NRP2: variants seen among roughly 807,000 people sequenced by gnomAD.
The protein encoded by NRP2 is neuropilin-2.
NRP2 carries 52 observed loss-of-function variants against 110.4 expected under a neutral mutation model. The ratio of observed to expected loss-of-function variants is 0.47; its 90% CI spans 0.38 to 0.59. The LOEUF is 0.59. Ranked by LOEUF, NRP2 falls within the 20% of genes least tolerant of loss-of-function variation. The pLI, the probability that NRP2 is intolerant of heterozygous loss-of-function variation, is 0.00. For missense variants in NRP2, 1,049 were observed against 1,203.0 expected (o/e 0.87, Z 1.89); for synonymous variants, 508 against 468.9 (o/e 1.08, Z -1.08).
intron 1 of NRP2, among the ~76,000 whole-genome samples, chr2:205,691,853 A>G (rs1191019243): frequency 6.6e-6 from 1 of 152,226 alleles, no homozygotes; most frequent in East Asian, 1.9e-4. Context: ...ATGACAAATA[A>G]TAAGGTTAAC....
At chr2:205,730,076 T>G (rs1414828463) in intron 7 of NRP2, among the ~76,000 whole-genome samples, 1 of 152,168 alleles carries the variant, frequency 6.6e-6, no homozygotes, top group Non-Finnish European at 1.5e-5. Context: ...GGCAGGAAAA[T>G]GGAGAGCCTG....
Position 205,682,666 on chromosome 2 carries a change from A to C in NRP2, c.-625A>C, listed in dbSNP as rs1447501548. 6.0e-6 allele frequency: 1 copy of C among 166,956 alleles called. No individual in the cohort carries two copies. The highest frequency in any genetic ancestry group is 2.4e-5 in the African/African-American group (1 of 41,654). The allele number at this position is 166,956 out of a possible 1,614,324, so 10.3% of individuals were successfully genotyped here. A position where few individuals can be genotyped will look rare whatever the true frequency, so the allele number is the denominator to read the frequency against. ...CACCGCCGCCGCACCAGCAGCAGCA[A>C]CAGCAGCAGCAGCTTCCTTCCTCAG... is the stretch of plus-strand genomic sequence containing the variant. On this transcript the variant is annotated 5_prime_UTR_variant, in exon 1 of 17. Coordinates refer to ENST00000357785, the MANE Select transcript of NRP2 (RefSeq NM_003872.3). This position sits in a 1 kb window ranked among gnomAD's most constrained non-coding sequence, Gnocchi z 4.3.
chr2:205,778,787 G>T (rs2058138924), intron 15 of NRP2: 1 of 152,112 alleles, frequency 6.6e-6, no homozygotes, highest in Admixed American at 6.5e-5. Context: ...GCCCCAAGTG[G>T]CATCATCTTT....
chr2:205,789,346 A>G (rs536697814), intron 15 of NRP2, among the ~76,000 whole-genome samples: 4 of 152,174 alleles, frequency 2.6e-5, no homozygotes, highest in African/African-American at 9.6e-5. Context: ...TGAAAGCGGA[A>G]CTCGTGTGGG....
chr2:205,715,488 A>G (rs544619475), intron 2 of NRP2, among the ~76,000 whole-genome samples: 63 of 152,290 alleles, frequency 4.1e-4, no homozygotes, highest in Non-Finnish European at 8.4e-4. Context: ...CTTATCTAAC[A>G]TGAGGCTGAT....
chr2:205,690,579 TACACACAC>T (rs10591632), intron 1 of NRP2, among the ~76,000 whole-genome samples: 8,217 of 124,156 alleles, frequency 0.066, 292 homozygotes, highest in South Asian at 0.13. Flanking sequence ...CTGCTAAAAA[TACACACAC>T]ACACACACAC....
chr2:205,767,124 G>A, intron 15 of NRP2: 2 of 427,760 alleles, frequency 4.7e-6, no homozygotes, highest in Non-Finnish European at 4.2e-6. Context: ...TGAGAAAGGA[G>A]AGACTGTGGG....
At position 205,743,316 on chromosome 2, in the gene NRP2, A is replaced by G; in HGVS notation, c.1405A>G (p.Ser469Gly). The change falls in exon 9 of 17, where the codon AGC becomes GGC. Residue 469 changes from serine (S) to glycine (G), a missense_variant. Physicochemically the swap from Ser to Gly is moderately conservative, Grantham distance 56 (BLOSUM62 0). Transcript: ENST00000357785. ...GAGCCCCAGTGCAGCCCGCCTGGTT[A>G]GCAGCCGCTCGGGCTGGTTCCCTCG... ...LWSPSAARLVSSRSGWFPRIP... is the reference protein window; with the variant it reads ...LWSPSAARLVGSRSGWFPRIP... 1 of 1,614,102 alleles carries G rather than the reference A, an allele frequency of 6.2e-7. No homozygotes were observed. Among genetic ancestry groups the G allele is most frequent in the Non-Finnish European group, 8.5e-7 (1 of 1,179,960 alleles).
At chr2:205,689,367 C>T (rs2056254113) in intron 1 of NRP2, among the ~76,000 whole-genome samples, 1 of 152,194 alleles carries the variant, frequency 6.6e-6, no homozygotes, top group African/African-American at 2.4e-5. Context: ...ATACCTACTT[C>T]ATAGGGTTGT....
intron 6 of NRP2, among the ~76,000 whole-genome samples, chr2:205,727,043 T>G (rs555697530): frequency 1.1e-4 from 16 of 152,234 alleles, no homozygotes; most frequent in Non-Finnish European, 2.2e-4. Flanking sequence ...TCTTTGACCT[T>G]AATCATATAC....
chr2:205,700,915 T>G (rs2056540254), intron 2 of NRP2: 3 of 339,500 alleles, frequency 8.8e-6, no homozygotes, highest in Non-Finnish European at 1.8e-5. Context: ...GCTGGACTCC[T>G]GCAGCCAAAG....
intron 1 of NRP2, among the ~76,000 whole-genome samples, chr2:205,696,227 T>A (rs2056422914): frequency 2.6e-5 from 4 of 152,154 alleles, no homozygotes; most frequent in Admixed American, 1.3e-4. Flanking sequence ...TGGGAGATAG[T>A]AATGCCAACA....
chr2:205,740,616 A>T lies in NRP2; in HGVS notation c.1244A>T (p.His415Leu), dbSNP rs888077609. The T allele has an allele frequency of 3.1e-6, 5 of 1,614,076 alleles. No individual in the cohort carries two copies. The highest frequency in any genetic ancestry group is 3.4e-6 in the Non-Finnish European group (4 of 1,180,032). The change falls in exon 8 of 17, where the codon CAC (histidine) becomes CTC (leucine). Residue 415 changes from histidine to leucine, a missense_variant. By Grantham distance (99) the His-to-Leu change is moderately conservative (BLOSUM62 -3). Transcript: ENST00000357785. ...RFVRIRPQTW[H>L]SGIALRLELF... is the part of the protein sequence containing the mutation. ...GTTAGAATCCGCCCTCAGACCTGGC[A>T]CTCAGGTATCGCCCTCCGGCTGGAG... is the stretch of plus-strand genomic sequence containing the variant.
intron 12 of NRP2, among the ~76,000 whole-genome samples, chr2:205,756,207 A>G (rs2057732302): frequency 6.6e-6 from 1 of 152,104 alleles, no homozygotes; most frequent in South Asian, 2.1e-4. Flanking sequence ...TGTTCACACC[A>G]GCCTCTGGGG....
At chr2:205,784,001 G>GACACACACAC (rs56303275) in intron 15 of NRP2, among the ~76,000 whole-genome samples, 2,479 of 148,748 alleles carry the variant, frequency 0.017, 41 homozygotes, top group Middle Eastern at 0.035. Flanking sequence ...ATCTCTCTCT[G>GACACACACAC]ACACACACAC....
intron 10 of NRP2, among the ~76,000 whole-genome samples, chr2:205,747,801 C>A (rs941243981): frequency 6.4e-4 from 97 of 152,136 alleles, no homozygotes; most frequent in Non-Finnish European, 3.4e-4. Flanking sequence ...GGGACAGTTG[C>A]TAATGACCTC....
intron 15 of NRP2, chr2:205,767,386 G>T (rs1432868779): frequency 1.9e-6 from 1 of 515,026 alleles, no homozygotes; most frequent in African/African-American, 1.9e-5. Context: ...AGAAGTGGTG[G>T]CCTCAGGAGA....
At chr2:205,724,856 G>A (rs963459858) in intron 5 of NRP2, among the ~76,000 whole-genome samples, 1 of 151,762 alleles carries the variant, frequency 6.6e-6, no homozygotes, top group Non-Finnish European at 1.5e-5. Flanking sequence ...TAGCAGAGGT[G>A]GGGTTTCACC....
chr2:205,684,815 A>G (rs2056105998), intron 1 of NRP2, among the ~76,000 whole-genome samples: 1 of 152,162 alleles, frequency 6.6e-6, no homozygotes, highest in Non-Finnish European at 1.5e-5. Context: ...ATTACCACTC[A>G]CAGACCTGGA....
Sources: allele counts gnomAD v4.1 joint callset (sites outside exome capture counted in the v4.1 genomes callset), GRCh38; gene constraint gnomAD v4.1.1; non-coding constraint Gnocchi (gnomAD v3.1); transcripts MANE v1.5; gene names NCBI Gene and HGNC (gene_info 2026-07-23, HGNC 2026-07-21).